The following RNASEH2B variants were observed in gnomAD, a reference collection of about 807,000 sequenced individuals.
RNASEH2B encodes ribonuclease H2 subunit B, also known as Aicardi-Goutieres syndrome 2 protein.
Under a neutral mutation model 45.0 loss-of-function variants are expected in RNASEH2B, and 36 were observed. The ratio of observed to expected loss-of-function variants is 0.80; its 90% CI spans 0.61 to 1.06. The LOEUF (loss-of-function observed/expected upper bound fraction) is 1.06. RNASEH2B is among the 50% of genes least tolerant of loss of function. The pLI, the probability that RNASEH2B is intolerant of heterozygous loss-of-function variation, is 0.00. For synonymous variants in RNASEH2B, 119 were observed against 125.7 expected (o/e 0.95, Z 0.35); for missense variants, 361 against 360.3 (o/e 1.00, Z -0.02).
intron 7 of RNASEH2B, among the ~76,000 whole-genome samples, chr13:50,947,513 G>A (rs1210817168): frequency 6.6e-6 from 1 of 151,710 alleles, no homozygotes; most frequent in Admixed American, 6.6e-5. Flanking sequence ...CCTAGTAGTA[G>A]AGACATGGTA....
At chr13:50,931,446 G>A (rs930987894) in intron 4 of RNASEH2B, among the ~76,000 whole-genome samples, 1 of 152,048 alleles carries the variant, frequency 6.6e-6, no homozygotes, top group Non-Finnish European at 1.5e-5. Context: ...AAATAATAAG[G>A]CCATTACATG....
intron 8 of RNASEH2B, 58 bp from the exon 9 acceptor site, chr13:50,949,401 GTCTT>G (rs1951947317): frequency 6.6e-7 from 1 of 1,506,728 alleles, no homozygotes; most frequent in Non-Finnish European, 9.2e-7. Context: ...AGTTGGCCCT[GTCTT>G]TCTGTTTGTT....
intron 1 of RNASEH2B, among the ~76,000 whole-genome samples, chr13:50,913,290 A>G (rs1879537609): frequency 6.6e-6 from 1 of 152,170 alleles, no homozygotes; most frequent in African/African-American, 2.4e-5. Context: ...CTAAAAGTAA[A>G]TGTTTGAGTC....
intron 9 of RNASEH2B, chr13:50,950,498 G>A (rs1951963067): frequency 6.6e-6 from 1 of 152,192 alleles, no homozygotes; most frequent in African/African-American, 2.4e-5. Flanking sequence ...ATAGCACTGG[G>A]CAGAAGTCTG....
At position 50,934,992 on chromosome 13, in the gene RNASEH2B, G is replaced by A; in HGVS notation, c.429G>A (p.Glu143=). 1 of 1,606,586 alleles carries A rather than the reference G, an allele frequency of 6.2e-7. No individual in the cohort carries two copies. ...GLEKLLHHVT[E]EKGNPEIDNK... Reference sequence around the variant, plus strand: ...AGAAGTTACTTCATCATGTGACAGAGGAAAAAGGTATGGTATAACTTAAAG... The same window carrying A: ...AGAAGTTACTTCATCATGTGACAGAAGAAAAAGGTATGGTATAACTTAAAG... The change falls in exon 5 of 11, where the codon GAG becomes GAA. Residue 143 remains glutamate (E), a synonymous_variant. Transcript: ENST00000336617.
intron 1 of RNASEH2B, chr13:50,910,550 C>T (rs746107818): frequency 2.4e-5 from 4 of 164,750 alleles, no homozygotes; most frequent in Admixed American, 1.9e-4. Context: ...CTCGAAGTGG[C>T]CTCAGACGGT....
chr13:50,950,631 G>A, intron 9 of RNASEH2B: 1 of 152,148 alleles, frequency 6.6e-6, no homozygotes, highest in Non-Finnish European at 1.5e-5. Context: ...AACTAAGAGG[G>A]TAGGTTCTCA....
chr13:50,920,079 G>T (rs1366912148), intron 1 of RNASEH2B, among the ~76,000 whole-genome samples: 3 of 152,040 alleles, frequency 2.0e-5, no homozygotes, highest in African/African-American at 7.3e-5. Flanking sequence ...TGTCGCCCAG[G>T]CTGGAGTGCA....
chr13:50,923,488 T>C (rs74676676), intron 1 of RNASEH2B, among the ~76,000 whole-genome samples: 1,580 of 152,264 alleles, frequency 0.01, 23 homozygotes, highest in African/African-American at 0.029. Flanking sequence ...TGACTTCTCA[T>C]TAGAAGCTAT....
intron 9 of RNASEH2B, among the ~76,000 whole-genome samples, chr13:50,964,528 T>G (rs1201837846): frequency 6.6e-6 from 1 of 152,194 alleles, no homozygotes; most frequent in Non-Finnish European, 1.5e-5. Flanking sequence ...GAGGAGCTGC[T>G]TAAACACTTG....
chr13:50,909,898 G>C lies in RNASEH2B; in HGVS notation c.-179G>C. The C allele has an allele frequency of 2.1e-6, 1 of 487,638 alleles. No individual in the cohort carries two copies. The highest frequency in any genetic ancestry group is 3.6e-6 in the Non-Finnish European group (1 of 278,708). 30.2% of individuals were successfully genotyped at this position (487,638 alleles called of 1,614,324 possible). On this transcript the variant is annotated 5_prime_UTR_variant, in exon 1 of 11. Transcript: ENST00000336617. ...CGCTAAATTTAAAAACGTAACACGA[G>C]CAGCAGGCTGGTCTCGGAAACGAAA...
At chr13:50,948,176 T>G in intron 8 of RNASEH2B, 108 bp downstream of exon 8, 1 of 1,542,418 alleles carries the variant, frequency 6.5e-7, no homozygotes, top group South Asian at 1.2e-5. Context: ...GATACAAGAT[T>G]ATTCTTCAGC....
chr13:50,945,342 A>G, intron 6 of RNASEH2B, 85 bp from the exon 7 acceptor site: 1 of 878,046 alleles, frequency 1.1e-6, no homozygotes, highest in Non-Finnish European at 1.9e-6. Flanking sequence ...GATCTCTTAA[A>G]TGGTCTGAAG....
At chr13:50,940,015 G>A (rs962255113) in intron 5 of RNASEH2B, among the ~76,000 whole-genome samples, 1 of 152,176 alleles carries the variant, frequency 6.6e-6, no homozygotes, top group East Asian at 1.9e-4. Context: ...GCTGTCCACG[G>A]CTTAAAATGA....
intron 9 of RNASEH2B, among the ~76,000 whole-genome samples, chr13:50,968,735 A>C (rs1952190026): frequency 1.3e-5 from 2 of 152,358 alleles, no homozygotes; most frequent in South Asian, 4.1e-4. Flanking sequence ...CCAGAATTTA[A>C]GTAAAGCTTC....
intron 1 of RNASEH2B, among the ~76,000 whole-genome samples, chr13:50,914,701 C>T (rs1223487965): frequency 6.6e-6 from 1 of 152,138 alleles, no homozygotes; most frequent in African/African-American, 2.4e-5. Context: ...AGGCTGTTTC[C>T]AGAGTCTGAT....
chr13:50,910,383 T>G (rs1593440317), intron 1 of RNASEH2B: 1 of 367,958 alleles, frequency 2.7e-6, no homozygotes, highest in East Asian at 4.3e-5. Flanking sequence ...GTGGCTCGGG[T>G]GGGAGGGTGG....
chr13:50,929,322 T>C, intron 2 of RNASEH2B, 153 bp from the exon 3 acceptor site: 2 of 652,230 alleles, frequency 3.1e-6, no homozygotes, highest in South Asian at 3.5e-5. Flanking sequence ...AGCTGTAAGC[T>C]TTCCTTGGAA....
At chr13:50,966,486 A>G (rs1952165945) in intron 9 of RNASEH2B, among the ~76,000 whole-genome samples, 1 of 152,148 alleles carries the variant, frequency 6.6e-6, no homozygotes, top group South Asian at 2.1e-4. Context: ...CATAGACAAA[A>G]GCCTCCATCT....
Sources: gnomAD v4.1 joint callset for allele counts (sites outside exome capture counted in the v4.1 genomes callset) on GRCh38, gnomAD v4.1.1 for gene constraint, MANE v1.5 for transcripts, NCBI Gene and HGNC (gene_info 2026-07-23, HGNC 2026-07-21) for gene names.